Variants in GGPS1 observed in about 807,000 individuals in gnomAD.
GGPS1 encodes the protein geranylgeranyl diphosphate synthase 1.
GGPS1 carries 15 observed loss-of-function variants against 28.1 expected under a neutral mutation model. The ratio of observed to expected loss-of-function variants is 0.53; its 90% CI spans 0.36 to 0.82. The LOEUF (loss-of-function observed/expected upper bound fraction) is 0.82. Ranked by LOEUF, GGPS1 falls within the 40% of genes least tolerant of loss-of-function variation. GGPS1 has a pLI of 0.01. For missense variants in GGPS1, 284 were observed against 348.3 expected (o/e 0.82, Z 1.47); for synonymous variants, 138 against 122.4 (o/e 1.13, Z -0.84).
intron 1 of GGPS1, 72 bp downstream of exon 1, chr1:235,328,850 A>C (rs1009102955): frequency 2.0e-5 from 3 of 152,738 alleles, no homozygotes; most frequent in African/African-American, 4.8e-5. Flanking sequence ...GAGGCGGGGC[A>C]GAGGAAAGAA....
At chr1:235,330,411 G>T (rs1411624511) in intron 1 of GGPS1, 2 of 152,342 alleles carry the variant, frequency 1.3e-5, no homozygotes, top group East Asian at 3.9e-4. Flanking sequence ...CGTGAACCCG[G>T]GAGGCGGAGT....
intron 2 of GGPS1, 89 bp from the exon 3 acceptor site, chr1:235,341,619 A>G (rs1676047619): frequency 1.2e-6 from 1 of 805,470 alleles, no homozygotes; most frequent in Non-Finnish European, 2.2e-6. Context: ...TGATCAATCT[A>G]AAGGAAGTTT....
At chr1:235,341,590 A>G in intron 2 of GGPS1, 118 bp from the exon 3 acceptor site, 2 of 712,120 alleles carry the variant, frequency 2.8e-6, no homozygotes, top group Non-Finnish European at 5.1e-6. Flanking sequence ...TGGATTGATG[A>G]GGCTGGATTT....
At chr1:235,329,870 AGTT>A (rs1194769478) in intron 1 of GGPS1, 1 of 152,268 alleles carries the variant, frequency 6.6e-6, no homozygotes, top group Non-Finnish European at 1.5e-5. Flanking sequence ...TTGCCGTAGT[AGTT>A]CACATGGTGA....
rs1676077402 is a variant in GGPS1, at chr1:235,342,407, C to T, written c.538C>T (p.Leu180Phe). 1.2e-6 allele frequency: 2 copies of T among 1,613,858 alleles called. No individual in the cohort carries two copies. The highest frequency in any genetic ancestry group is 1.7e-6 in the Non-Finnish European group (2 of 1,179,780). The part of the protein sequence containing the change: ...KEDLKPLLNT[L>F]GLFFQIRDDY... Reference sequence around the variant, plus strand: ...AGATTTAAAACCGCTACTTAATACACTTGGGCTCTTTTTCCAAATTAGGGA... The same window carrying T: ...AGATTTAAAACCGCTACTTAATACATTTGGGCTCTTTTTCCAAATTAGGGA... The change falls in exon 4 of 4, where the codon CTT becomes TTT. Residue 180 changes from leucine to phenylalanine, a missense_variant. Leu to Phe is a conservative substitution (Grantham distance 22, BLOSUM62 0). Coordinates refer to ENST00000282841, the MANE Select transcript of GGPS1 (RefSeq NM_004837.4).
At chr1:235,341,338 A>T (rs79304567) in intron 2 of GGPS1, among the ~76,000 whole-genome samples, 5,843 of 152,212 alleles carry the variant, frequency 0.038, 420 homozygotes, top group African/African-American at 0.13. Context: ...AATAATTAAT[A>T]AATAAACTAG....
At chr1:235,339,427 C>G (rs769336120) in intron 2 of GGPS1, among the ~76,000 whole-genome samples, 1 of 151,748 alleles carries the variant, frequency 6.6e-6, no homozygotes, top group Non-Finnish European at 1.5e-5. Flanking sequence ...GAGCCAAGAT[C>G]GTGCCATTGC....
chr1:235,333,017 G>A (rs570891330), intron 1 of GGPS1, among the ~76,000 whole-genome samples: 11 of 139,986 alleles, frequency 7.9e-5, no homozygotes, highest in East Asian at 2.1e-4. Context: ...GCAGTGAGCC[G>A]AGATCGTGCC....
Position 235,335,335 on chromosome 1 carries a change from G to C in GGPS1, c.70+1G>C. 1 of 1,415,052 alleles carries C rather than the reference G, an allele frequency of 7.1e-7. No individual in the cohort carries two copies. Among genetic ancestry groups the C allele is most frequent in the Non-Finnish European group, 1.0e-6 (1 of 1,002,022 alleles). 87.7% of individuals were successfully genotyped at this position (1,415,052 alleles called of 1,614,324 possible). On this transcript the variant is annotated splice_donor_variant, in intron 2 of 3. Transcript: ENST00000282841. LOFTEE classifies it high-confidence loss of function. ...TATAAATACTTACTTCAGTTACCAG[G>C]TAATACTTCACTTACAGTCCATATA...
chr1:235,336,677 T>C (rs191289193), intron 2 of GGPS1: 1 of 152,330 alleles, frequency 6.6e-6, no homozygotes, highest in Non-Finnish European at 1.5e-5. Context: ...TGGTAAATTA[T>C]TTGACAAGCA....
At chr1:235,341,393 A>T (rs1355326635) in intron 2 of GGPS1, among the ~76,000 whole-genome samples, 2 of 152,236 alleles carry the variant, frequency 1.3e-5, no homozygotes, top group Non-Finnish European at 2.9e-5. Flanking sequence ...AAGTCCTAAA[A>T]GCCCATCCTA....
In GGPS1 at chr1:235,343,769, G is replaced by T. The variant is rs993889117; in HGVS notation, c.*997G>T. On this transcript the variant is annotated 3_prime_UTR_variant, in exon 4 of 4. Coordinates refer to ENST00000282841, the MANE Select transcript of GGPS1 (RefSeq NM_004837.4). ...GGTACAGCATTCCCTTTCCAATTGG[G>T]AAGCGGAAAAAGAGAGTATGGGATA... 3 of 166,802 alleles carry T rather than the reference G, an allele frequency of 1.8e-5. No individual in the cohort carries two copies. Among genetic ancestry groups the T allele is most frequent in the African/African-American group, 7.3e-5 (3 of 41,356 alleles). 10.3% of individuals were successfully genotyped at this position (166,802 alleles called of 1,614,324 possible). A position where few individuals can be genotyped will look rare whatever the true frequency, so the allele number is the denominator to read the frequency against.
intron 2 of GGPS1, among the ~76,000 whole-genome samples, chr1:235,338,548 ACT>A (rs1315580316): frequency 6.6e-6 from 1 of 151,974 alleles, no homozygotes; most frequent in Non-Finnish European, 1.5e-5. Context: ...TCACATTGAG[ACT>A]CTGTTTTTCA....
At chr1:235,338,470 C>T (rs1675931784) in intron 2 of GGPS1, among the ~76,000 whole-genome samples, 1 of 151,980 alleles carries the variant, frequency 6.6e-6, no homozygotes, top group Admixed American at 6.6e-5. Context: ...ACTGTAGTAC[C>T]TCAAAAATAA....
At chr1:235,340,812 G>A (rs1572274368) in intron 2 of GGPS1, among the ~76,000 whole-genome samples, 1 of 147,542 alleles carries the variant, frequency 6.8e-6, no homozygotes, top group South Asian at 2.2e-4. Flanking sequence ...TCAAAATAAT[G>A]AGATTAGCTT....
At chr1:235,341,410 A>T (rs186222470) in intron 2 of GGPS1, among the ~76,000 whole-genome samples, 1 of 152,282 alleles carries the variant, frequency 6.6e-6, no homozygotes, top group East Asian at 1.9e-4. Context: ...CCTACTTTAA[A>T]ATTGTTTATT....
Position 235,342,891 on chromosome 1 carries a change from G to A in GGPS1, c.*119G>A. 2 of 641,986 alleles carry A rather than the reference G, an allele frequency of 3.1e-6. No individual in the cohort carries two copies. The highest frequency in any genetic ancestry group is 2.2e-5 in the South Asian group (1 of 46,080). 39.8% of individuals were successfully genotyped at this position (641,986 alleles called of 1,614,324 possible). On this transcript the variant is annotated 3_prime_UTR_variant, in exon 4 of 4. Transcript: ENST00000282841. ...TCCAGAAACAGTAAATAGGTGAGTA[G>A]GGGTGGTGCAAGTGAATTCGTTTTC...
In GGPS1 at chr1:235,342,749, A is replaced by G; in HGVS notation, c.880A>G (p.Met294Val). 2 of 1,581,128 alleles carry G rather than the reference A, an allele frequency of 1.3e-6. No individual in the cohort carries two copies. The highest frequency in any genetic ancestry group is 1.7e-6 in the Non-Finnish European group (2 of 1,166,326). ...LVALVKHLSKMFKEENE is the reference protein window; with the variant it reads ...LVALVKHLSKVFKEENE Reference sequence around the variant, plus strand: ...AGCCTTAGTAAAACACTTAAGTAAGATGTTCAAAGAAGAAAATGAATAATG... The same window carrying G: ...AGCCTTAGTAAAACACTTAAGTAAGGTGTTCAAAGAAGAAAATGAATAATG... Residue 294 changes from methionine to valine, a missense_variant, in exon 4 of 4, where the codon ATG (methionine) becomes GTG (valine). Physicochemically the swap from Met to Val is conservative, Grantham distance 21 (BLOSUM62 1). Transcript: ENST00000282841.
intron 1 of GGPS1, among the ~76,000 whole-genome samples, chr1:235,334,994 T>C (rs1309606660): frequency 1.3e-5 from 2 of 151,984 alleles, no homozygotes; most frequent in East Asian, 1.9e-4. Context: ...TTCATATTTT[T>C]AGTAGAGACA....
Sources: allele counts gnomAD v4.1 joint callset (sites outside exome capture counted in the v4.1 genomes callset), GRCh38; gene constraint gnomAD v4.1.1; transcripts MANE v1.5; gene names NCBI Gene and HGNC (gene_info 2026-07-23, HGNC 2026-07-21).